Variants in CERT1 observed in about 807,000 individuals in gnomAD.
CERT1 encodes ceramide transfer protein.
CERT1 carries 31 observed loss-of-function variants against 87.9 expected under a neutral mutation model. The ratio of observed to expected loss-of-function variants is 0.35; its 90% CI spans 0.27 to 0.48. The LOEUF is 0.48. CERT1 is among the 20% of genes least tolerant of loss of function. The probability of loss-of-function intolerance (pLI) is 0.99; values close to 1 mark genes in which losing one functional copy is unlikely to be tolerated. For synonymous variants in CERT1, 289 were observed against 250.9 expected, an observed-to-expected ratio of 1.15 and a Z score of -1.44; for missense variants, 487 against 758.0, an observed-to-expected ratio of 0.64 and a Z score of 4.20.
chr5:75,430,288 T>C (rs185269864), intron 3 of CERT1, among the ~76,000 whole-genome samples: 10 of 152,294 alleles, frequency 6.6e-5, no homozygotes, highest in Non-Finnish European at 8.8e-5. Context: ...GGCTAACAAA[T>C]TACACATAAT....
intron 2 of CERT1, among the ~76,000 whole-genome samples, chr5:75,469,580 A>G (rs1765623314): frequency 6.6e-6 from 1 of 152,134 alleles, no homozygotes; most frequent in African/African-American, 2.4e-5. Flanking sequence ...TATGGTAATC[A>G]CAAAGCAAAA....
At chr5:75,484,867 T>G (rs1766433876) in intron 2 of CERT1, among the ~76,000 whole-genome samples, 1 of 152,118 alleles carries the variant, frequency 6.6e-6, no homozygotes, top group Non-Finnish European at 1.5e-5. Context: ...ATAGACCAAA[T>G]GGACCTAAAA....
chr5:75,446,292 T>G (rs1044808784), intron 3 of CERT1, among the ~76,000 whole-genome samples: 6 of 152,246 alleles, frequency 3.9e-5, no homozygotes, highest in Non-Finnish European at 7.3e-5. Context: ...ATACCTCTAG[T>G]GAATTTTTCA....
intron 2 of CERT1, among the ~76,000 whole-genome samples, chr5:75,473,274 G>A (rs1383015929): frequency 6.6e-6 from 1 of 152,062 alleles, no homozygotes; most frequent in Non-Finnish European, 1.5e-5. Flanking sequence ...TAGGGACAGG[G>A]TCTTGCTATG....
chr5:75,479,624 C>CT (rs1184766644), intron 2 of CERT1, among the ~76,000 whole-genome samples: 5 of 152,140 alleles, frequency 3.3e-5, no homozygotes, highest in Non-Finnish European at 7.4e-5. Flanking sequence ...TGATCTCACT[C>CT]TTTTTTATGT....
intron 2 of CERT1, among the ~76,000 whole-genome samples, chr5:75,459,471 A>C (rs1030838638): frequency 6.6e-5 from 10 of 152,132 alleles, no homozygotes; most frequent in Non-Finnish European, 1.2e-4. Context: ...ACTAGTGAGA[A>C]CACCACCAAA....
At chr5:75,499,756 A>C (rs144476078) in intron 2 of CERT1, among the ~76,000 whole-genome samples, 2 of 152,334 alleles carry the variant, frequency 1.3e-5, no homozygotes, top group East Asian at 3.9e-4. Flanking sequence ...TACACAAAAT[A>C]AAATGCACCA....
rs568885152 is a variant in CERT1, at chr5:75,490,568, G to A, written c.231+15414C>T. 4.2e-4 allele frequency among the ~76,000 whole-genome samples: 63 copies of A among 151,466 alleles called. No homozygotes were observed. The East Asian group carries it at 0.01, about 24-fold the overall frequency. ...GGCTGGAGTGCAGTGGCGCGATCTC[G>A]GCTCACTGCAAGCTCCGCCTCCTGG... On this transcript the variant is annotated intron_variant, in intron 2 of 16. Transcript: ENST00000643780.
chr5:75,409,026 A>G (rs933284808), intron 8 of CERT1, among the ~76,000 whole-genome samples: 3 of 152,054 alleles, frequency 2.0e-5, no homozygotes, highest in African/African-American at 7.2e-5. Context: ...TGTACCATAT[A>G]TTGTTAAATT....
At chr5:75,425,037 G>A (rs1763550346) in intron 5 of CERT1, among the ~76,000 whole-genome samples, 1 of 152,098 alleles carries the variant, frequency 6.6e-6, no homozygotes, top group African/African-American at 2.4e-5. Context: ...AGAATTGCTT[G>A]AGGCCAGAAG....
intron 8 of CERT1, among the ~76,000 whole-genome samples, chr5:75,409,773 C>G (rs927267897): frequency 5.9e-5 from 9 of 151,776 alleles, no homozygotes; most frequent in South Asian, 2.1e-4. Context: ...GTGATCCCCC[C>G]GCCTCAGCCT....
chr5:75,377,194 A>G (rs1292051182), downstream of CERT1: 1 of 152,228 alleles, frequency 6.6e-6, no homozygotes, highest in Non-Finnish European at 1.5e-5. Context: ...AACTACACTG[A>G]GAGAGTATTT....
chr5:75,422,999 C>T (rs1418976182), intron 5 of CERT1, among the ~76,000 whole-genome samples: 2 of 152,184 alleles, frequency 1.3e-5, no homozygotes, highest in African/African-American at 4.8e-5. Context: ...TATCTCAGAA[C>T]TGTGAGAAAA....
chr5:75,406,290 C>T (rs1762702998), intron 8 of CERT1, among the ~76,000 whole-genome samples: 1 of 152,222 alleles, frequency 6.6e-6, no homozygotes, highest in South Asian at 2.1e-4. Flanking sequence ...ACACTCTTTA[C>T]TCAATTTACT....
intron 3 of CERT1, among the ~76,000 whole-genome samples, chr5:75,429,394 G>T (rs1173341371): frequency 1.3e-5 from 2 of 151,960 alleles, no homozygotes; most frequent in African/African-American, 4.8e-5. Flanking sequence ...TAGAGACGGG[G>T]TTTCATTATG....
At chr5:75,408,329 T>G (rs1762795666) in intron 8 of CERT1, among the ~76,000 whole-genome samples, 1 of 152,274 alleles carries the variant, frequency 6.6e-6, no homozygotes, top group South Asian at 2.1e-4. Flanking sequence ...CACTTACAGG[T>G]AGACATATAG....
intron 2 of CERT1, among the ~76,000 whole-genome samples, chr5:75,498,782 C>T (rs1767199376): frequency 6.6e-6 from 1 of 152,226 alleles, no homozygotes; most frequent in African/African-American, 2.4e-5. Flanking sequence ...CCCCCACCCC[C>T]ACAATCCTCA....
Position 75,378,897 on chromosome 5 carries a change from G to A in CERT1, c.*449C>T, listed in dbSNP as rs1009661776. 6.5e-6 allele frequency: 1 copy of A among 152,768 alleles called. No homozygotes were observed. The highest frequency in any genetic ancestry group is 2.4e-5 in the African/African-American group (1 of 41,454). 9.5% of individuals were successfully genotyped at this position (152,768 alleles called of 1,614,324 possible). On this transcript the variant is annotated 3_prime_UTR_variant, in exon 17 of 17. Transcript: ENST00000643780. The stretch of plus-strand genomic sequence containing the variant: ...AAAGGCTATAAACTACAATTTTCAA[G>A]GCCAGGCACGGTGGCTCATGTCTGT...
At chr5:75,420,753 C>A (rs1213421311) in intron 5 of CERT1, among the ~76,000 whole-genome samples, 1 of 152,192 alleles carries the variant, frequency 6.6e-6, no homozygotes, top group Non-Finnish European at 1.5e-5. Flanking sequence ...ACGCATTCCA[C>A]TCATAATGCA....
Sources: allele counts gnomAD v4.1 joint callset (sites outside exome capture counted in the v4.1 genomes callset), GRCh38; gene constraint gnomAD v4.1.1; transcripts MANE v1.5; gene names NCBI Gene and HGNC (gene_info 2026-07-23, HGNC 2026-07-21).